Variants in TTBK2 observed in about 807,000 individuals in gnomAD.
TTBK2 encodes the protein tau tubulin kinase 2, also known as tau-tubulin kinase 2.
Under a neutral mutation model 110.8 loss-of-function variants are expected in TTBK2, and 28 were observed. The ratio of observed to expected loss-of-function variants is 0.25; its 90% CI spans 0.19 to 0.35. The LOEUF is 0.35. Among genes scored for constraint, TTBK2 ranks in the 10% least tolerant of loss-of-function variants. TTBK2 has a pLI of 1.00. For synonymous variants in TTBK2, 532 were observed against 527.3 expected (o/e 1.01, Z -0.12); for missense variants, 1,369 against 1,500.3 (o/e 0.91, Z 1.45).
chr15:42,790,802 C>A (rs1407319732), intron 10 of TTBK2, among the ~76,000 whole-genome samples: 3 of 152,090 alleles, frequency 2.0e-5, no homozygotes, highest in Non-Finnish European at 1.5e-5. Flanking sequence ...CAGGTTCAAG[C>A]AATTCTCCTG....
intron 10 of TTBK2, among the ~76,000 whole-genome samples, chr15:42,784,534 T>TA (rs1890324872): frequency 6.6e-6 from 1 of 152,210 alleles, no homozygotes; most frequent in African/African-American, 2.4e-5. Flanking sequence ...TGCCTTGGCC[T>TA]ACCAAAGTGC....
chr15:42,765,822 T>A (rs1169185120), intron 13 of TTBK2, among the ~76,000 whole-genome samples: 2 of 152,126 alleles, frequency 1.3e-5, no homozygotes, highest in Non-Finnish European at 2.9e-5. Flanking sequence ...ATTGTCAGAT[T>A]CACCAAGGTT....
intron 2 of TTBK2, 87 bp downstream of exon 2, chr15:42,878,462 A>T (rs1203797918): frequency 2.5e-6 from 4 of 1,590,034 alleles, no homozygotes; most frequent in Non-Finnish European, 3.4e-6. Flanking sequence ...TATTTTTATC[A>T]GGATACCAAA....
At chr15:42,854,226 A>C (rs773138824) in intron 3 of TTBK2, among the ~76,000 whole-genome samples, 1 of 152,248 alleles carries the variant, frequency 6.6e-6, no homozygotes, top group Non-Finnish European at 1.5e-5. Context: ...GGCATGAGTT[A>C]CTGCACCTGG....
At chr15:42,834,730 C>A (rs914214957) in intron 4 of TTBK2, among the ~76,000 whole-genome samples, 1 of 152,008 alleles carries the variant, frequency 6.6e-6, no homozygotes. Context: ...TAAAAAAATT[C>A]GCTGGGTATG....
rs2031236229 is a variant in TTBK2 at position 42,919,079 on chromosome 15, T to A, written c.-68+1359A>T. On this transcript the variant is annotated intron_variant, in intron 1 of 14. Transcript: ENST00000267890. ...GAGAAACTTTCCTTTAAAACCATGC[T>A]TCATATGTCCCCTTCGGTGTCTTGA... is the stretch of plus-strand genomic sequence containing the variant. Among the ~76,000 whole-genome samples, 5 of 152,220 alleles carry A rather than the reference T, an allele frequency of 3.3e-5. No individual in the cohort carries two copies. The South Asian group carries it at 8.3e-4, about 25-fold the overall frequency.
At chr15:42,881,003 T>G (rs899522016) in intron 1 of TTBK2, among the ~76,000 whole-genome samples, 9 of 152,138 alleles carry the variant, frequency 5.9e-5, no homozygotes, top group African/African-American at 2.2e-4. Context: ...TTACTTCAGC[T>G]GGGCATGGTG....
chr15:42,891,202 G>C (rs1475572630), intron 1 of TTBK2, among the ~76,000 whole-genome samples: 1 of 140,714 alleles, frequency 7.1e-6, no homozygotes, highest in African/African-American at 2.7e-5. Context: ...TTTAAGAGAT[G>C]GGGTCTCACT....
chr15:42,771,888 T>A (rs779389133), intron 13 of TTBK2, among the ~76,000 whole-genome samples: 14 of 152,282 alleles, frequency 9.2e-5, no homozygotes, highest in South Asian at 2.1e-4. Flanking sequence ...AGCGTCTGAC[T>A]CTTCATGGAT....
intron 1 of TTBK2, among the ~76,000 whole-genome samples, chr15:42,892,507 G>A (rs900521860): frequency 1.3e-5 from 2 of 151,766 alleles, no homozygotes; most frequent in African/African-American, 2.4e-5. Context: ...AGGGGTTCAA[G>A]ACCAACCTAA....
At chr15:42,838,570 C>T (rs909297525) in intron 4 of TTBK2, among the ~76,000 whole-genome samples, 1 of 152,124 alleles carries the variant, frequency 6.6e-6, no homozygotes, top group African/African-American at 2.4e-5. Context: ...AATCCTAACG[C>T]TTTGGGAAGC....
chr15:42,747,765 A>C (rs187556067), intron 14 of TTBK2, among the ~76,000 whole-genome samples: 101 of 152,334 alleles, frequency 6.6e-4, no homozygotes, highest in African/African-American at 2.3e-3. Flanking sequence ...CTCTAATAAT[A>C]AAACTATGGT....
At chr15:42,795,634 A>G (rs947203109) in intron 9 of TTBK2, among the ~76,000 whole-genome samples, 8 of 152,024 alleles carry the variant, frequency 5.3e-5, no homozygotes, top group Non-Finnish European at 1.2e-4. Context: ...GGCTTTAAAA[A>G]TATTACTTCA....
intron 7 of TTBK2, among the ~76,000 whole-genome samples, chr15:42,816,671 C>T (rs1892042059): frequency 6.6e-6 from 1 of 151,990 alleles, no homozygotes; most frequent in Non-Finnish European, 1.5e-5. Flanking sequence ...AGAAGTCAAT[C>T]TCACCTTGGG....
intron 1 of TTBK2, among the ~76,000 whole-genome samples, chr15:42,915,683 A>G (rs1337744880): frequency 2.6e-5 from 4 of 152,202 alleles, no homozygotes; most frequent in African/African-American, 9.6e-5. Context: ...ATTGTGCCTC[A>G]TGCCTATAAT....
chr15:42,782,083 A>G (rs188867191), intron 11 of TTBK2, among the ~76,000 whole-genome samples: 87 of 152,102 alleles, frequency 5.7e-4, no homozygotes, highest in African/African-American at 2.0e-3. Context: ...ATGTATATAT[A>G]TTTTTTGAGG....
chr15:42,769,281 G>A (rs1163365625), intron 13 of TTBK2, among the ~76,000 whole-genome samples: 1 of 152,144 alleles, frequency 6.6e-6, no homozygotes, highest in African/African-American at 2.4e-5. Context: ...TAAAACTAAA[G>A]AGCTCCTGCA....
chr15:42,793,409 C>G (rs994088576), intron 10 of TTBK2, among the ~76,000 whole-genome samples: 11 of 152,234 alleles, frequency 7.2e-5, no homozygotes, highest in African/African-American at 2.6e-4. Context: ...CACAGCTGGG[C>G]ACAAGGGTGC....
chr15:42,810,434 T>C (rs1227298109), intron 9 of TTBK2, among the ~76,000 whole-genome samples, 180 bp downstream of exon 9: 1 of 152,132 alleles, frequency 6.6e-6, no homozygotes, highest in Non-Finnish European at 1.5e-5. Flanking sequence ...ATGAAACACA[T>C]AACACACACG....
Sources: allele counts gnomAD v4.1 joint callset (sites outside exome capture counted in the v4.1 genomes callset), GRCh38; gene constraint gnomAD v4.1.1; transcripts MANE v1.5; gene names NCBI Gene and HGNC (gene_info 2026-07-23, HGNC 2026-07-21).